The following POU6F2 variants were observed in gnomAD, a reference collection of about 807,000 sequenced individuals.
POU6F2 encodes the protein POU class 6 homeobox 2, also known as POU domain, class 6, transcription factor 2.
Under a neutral mutation model 71.3 loss-of-function variants are expected in POU6F2, and 31 were observed. The observed-to-expected ratio is 0.43, with a 90% CI of 0.33 to 0.59. The LOEUF (loss-of-function observed/expected upper bound fraction) is 0.59. Among genes scored for constraint, POU6F2 ranks in the 20% least tolerant of loss-of-function variants. The pLI is 0.04. For synonymous variants in POU6F2, 347 were observed against 355.7 expected (o/e 0.98, Z 0.27); for missense variants, 783 against 856.8 (o/e 0.91, Z 1.07).
intron 4 of POU6F2, among the ~76,000 whole-genome samples, chr7:39,250,434 A>G (rs1334287403): frequency 6.6e-6 from 1 of 152,214 alleles, no homozygotes; most frequent in Non-Finnish European, 1.5e-5. Context: ...AGCCTTATCT[A>G]AAGATGTGGC....
At chr7:38,997,276 T>A (rs2128698252) in intron 1 of POU6F2, among the ~76,000 whole-genome samples, 3 of 152,300 alleles carry the variant, frequency 2.0e-5, no homozygotes, top group East Asian at 3.9e-4. Context: ...CTTTTCCTGG[T>A]TTGTTTTTTT....
intron 2 of POU6F2, among the ~76,000 whole-genome samples, chr7:39,201,337 C>A (rs1018275739): frequency 1.3e-5 from 2 of 152,102 alleles, no homozygotes; most frequent in Non-Finnish European, 2.9e-5. Context: ...CTTTTAATAT[C>A]TAAATTGGAA....
chr7:39,045,197 G>A (rs910499815), intron 1 of POU6F2, among the ~76,000 whole-genome samples: 14 of 151,884 alleles, frequency 9.2e-5, no homozygotes, highest in Non-Finnish European at 1.6e-4. Context: ...TCGCGAATTC[G>A]CATCCCGTAC....
intron 4 of POU6F2, among the ~76,000 whole-genome samples, chr7:39,323,927 G>A (rs1272034433): frequency 1.3e-5 from 2 of 151,692 alleles, no homozygotes. Flanking sequence ...GGCCAACATG[G>A]TGAAACCTCA....
intron 2 of POU6F2, among the ~76,000 whole-genome samples, chr7:39,086,302 A>G (rs1791244467): frequency 6.6e-6 from 1 of 152,178 alleles, no homozygotes; most frequent in South Asian, 2.1e-4. Context: ...TTGGAAAAAA[A>G]TAGAAAGTGG....
At chr7:39,185,381 G>A (rs1047599746) in intron 2 of POU6F2, among the ~76,000 whole-genome samples, 2 of 152,082 alleles carry the variant, frequency 1.3e-5, no homozygotes, top group African/African-American at 4.8e-5. Flanking sequence ...GAGACAGTTG[G>A]GTTCAAGCAA....
chr7:39,046,270 T>C (rs1203005632), intron 1 of POU6F2, among the ~76,000 whole-genome samples: 1 of 151,920 alleles, frequency 6.6e-6, no homozygotes, highest in East Asian at 1.9e-4. Flanking sequence ...CGAAAGTATA[T>C]TTAAATTTTT....
intron 1 of POU6F2, among the ~76,000 whole-genome samples, chr7:39,065,144 C>G (rs1419317834): frequency 1.3e-5 from 2 of 151,540 alleles, no homozygotes; most frequent in Non-Finnish European, 3.0e-5. Flanking sequence ...AAAAGCTGAC[C>G]ATAAAACAAG....
chr7:39,283,351 A>G (rs907384731), intron 4 of POU6F2, among the ~76,000 whole-genome samples: 6 of 152,154 alleles, frequency 3.9e-5, no homozygotes, highest in Admixed American at 1.3e-4. Context: ...GTAAGTAACC[A>G]TCATTGCTAT....
intron 2 of POU6F2, among the ~76,000 whole-genome samples, chr7:39,112,771 A>G (rs922619594): frequency 6.6e-6 from 1 of 152,180 alleles, no homozygotes; most frequent in Non-Finnish European, 1.5e-5. Context: ...TTGGCTACGT[A>G]GCTATATAAT....
At chr7:39,271,142 G>A (rs1784332118) in intron 4 of POU6F2, among the ~76,000 whole-genome samples, 1 of 152,104 alleles carries the variant, frequency 6.6e-6, no homozygotes, top group African/African-American at 2.4e-5. Flanking sequence ...AGCTAAGAAT[G>A]GTTTTTACAT....
intron 5 of POU6F2, among the ~76,000 whole-genome samples, chr7:39,394,404 A>AAAGGT (rs1787133266): frequency 6.6e-6 from 1 of 152,234 alleles, no homozygotes; most frequent in African/African-American, 2.4e-5. Context: ...CAAAGCTGTT[A>AAAGGT]AAGCTAGCTC....
chr7:39,230,248 G>A (rs748915739), intron 4 of POU6F2, among the ~76,000 whole-genome samples: 6 of 152,116 alleles, frequency 3.9e-5, no homozygotes, highest in Admixed American at 6.5e-5. Flanking sequence ...GGGAGGCTGA[G>A]ACAGGAGGAT....
chr7:39,326,382 A>G (rs1194883173), intron 4 of POU6F2, among the ~76,000 whole-genome samples: 2 of 152,248 alleles, frequency 1.3e-5, no homozygotes, highest in Non-Finnish European at 2.9e-5. Flanking sequence ...CTGTAAGGAA[A>G]GAATACTACT....
chr7:39,028,092 G>T (rs1329977340), intron 1 of POU6F2, among the ~76,000 whole-genome samples: 4 of 151,698 alleles, frequency 2.6e-5, no homozygotes, highest in Non-Finnish European at 4.4e-5. Flanking sequence ...AATTATTGAG[G>T]TTAATCATTT....
intron 2 of POU6F2, among the ~76,000 whole-genome samples, chr7:39,183,990 G>A (rs992378340): frequency 1.3e-5 from 2 of 152,026 alleles, no homozygotes; most frequent in Non-Finnish European, 2.9e-5. Context: ...ACCTGATTAA[G>A]GTCCGTAAGT....
intron 5 of POU6F2, among the ~76,000 whole-genome samples, chr7:39,370,033 T>C (rs12666115): frequency 0.2 from 31,082 of 152,084 alleles, 3,742 homozygotes; most frequent in East Asian, 0.59. Flanking sequence ...AGACTGAGTG[T>C]AAACATAACT....
chr7:39,404,679 A>C (rs1787380557), intron 5 of POU6F2: 1 of 152,220 alleles, frequency 6.6e-6, no homozygotes, highest in Admixed American at 6.5e-5. Flanking sequence ...TATTGCATGA[A>C]AGAAATGCAA....
intron 4 of POU6F2, among the ~76,000 whole-genome samples, chr7:39,255,044 T>C (rs1036624126): frequency 3.3e-5 from 5 of 152,356 alleles, no homozygotes; most frequent in Non-Finnish European, 2.9e-5. Flanking sequence ...TATCCTTTTA[T>C]ATATATCCTT....
Sources: allele counts gnomAD v4.1 joint callset (sites outside exome capture counted in the v4.1 genomes callset), GRCh38; gene constraint gnomAD v4.1.1; transcripts MANE v1.5; gene names NCBI Gene and HGNC (gene_info 2026-07-23, HGNC 2026-07-21).